AFF3: variants seen among roughly 807,000 people sequenced by gnomAD.
The protein encoded by AFF3 is AF4/FMR2 family member 3.
A neutral mutation model predicts 129.7 loss-of-function variants in AFF3; 32 were observed. That is an observed-to-expected ratio of 0.25 (90% CI 0.19 to 0.33). The LOEUF is 0.33. Among genes scored for constraint, AFF3 ranks in the 10% least tolerant of loss-of-function variants. AFF3 has a pLI of 1.00. For missense variants in AFF3, 1,373 were observed against 1,592.0 expected, an observed-to-expected ratio of 0.86 and a Z score of 2.34; for synonymous variants, 644 against 635.4, an observed-to-expected ratio of 1.01 and a Z score of -0.20.
At chr2:99,584,975 A>G (rs553671607) in intron 16 of AFF3, among the ~76,000 whole-genome samples, 41 of 152,360 alleles carry the variant, frequency 2.7e-4, no homozygotes, top group Admixed American at 1.9e-3. Flanking sequence ...GCAAATGGAT[A>G]CATGTGGGGA....
At chr2:99,736,343 T>C (rs1012386413) in intron 10 of AFF3, among the ~76,000 whole-genome samples, 3 of 152,238 alleles carry the variant, frequency 2.0e-5, no homozygotes, top group Non-Finnish European at 4.4e-5. Context: ...GTATCTTTCC[T>C]TGGGTAGTGA....
rs143338581 is a variant in AFF3, at chr2:99,710,583, C to T, written c.1091+16494G>A. ...TTTGTTACCTCTTAATCATGATATACCAACACCTGCAGTATTCTAACTAAA... is the reference window on the plus strand; with the variant it reads ...TTTGTTACCTCTTAATCATGATATATCAACACCTGCAGTATTCTAACTAAA... On this transcript the variant is annotated intron_variant, in intron 11 of 24. Transcript: ENST00000672756. 3.9e-4 allele frequency among the ~76,000 whole-genome samples: 60 copies of T among 152,222 alleles called. 1 individual carries two copies. Among genetic ancestry groups the T allele is most frequent in the African/African-American group, 1.4e-3 (60 of 41,540 alleles).
At chr2:99,606,285 A>T (rs1680323731) in intron 13 of AFF3, among the ~76,000 whole-genome samples, 1 of 152,056 alleles carries the variant, frequency 6.6e-6, no homozygotes, top group African/African-American at 2.4e-5. Flanking sequence ...ATTATAGTGG[A>T]TTTTTTCCTG....
chr2:99,586,882 G>T (rs1480973742), intron 16 of AFF3, among the ~76,000 whole-genome samples: 2 of 152,094 alleles, frequency 1.3e-5, no homozygotes, highest in African/African-American at 2.4e-5. Flanking sequence ...AAGTTTTTTT[G>T]GGGGAAGGGC....
At chr2:99,909,622 GAAAAGAA>G (rs1391344280) in intron 7 of AFF3, among the ~76,000 whole-genome samples, 2 of 150,472 alleles carry the variant, frequency 1.3e-5, no homozygotes, top group African/African-American at 4.9e-5. Flanking sequence ...AAAAAAAAAA[GAAAAGAA>G]AAAAGAAAAA....
intron 4 of AFF3, among the ~76,000 whole-genome samples, chr2:100,081,094 G>A (rs941584772): frequency 2.6e-5 from 4 of 151,908 alleles, no homozygotes; most frequent in African/African-American, 9.7e-5. Context: ...GTCCACAAGT[G>A]GAATCAGGTC....
At chr2:100,002,476 C>A (rs1431127645) in intron 7 of AFF3, among the ~76,000 whole-genome samples, 2 of 152,170 alleles carry the variant, frequency 1.3e-5, no homozygotes, top group Admixed American at 1.3e-4. Context: ...TATGATTAAT[C>A]AATACATCTT....
chr2:99,695,983 A>G (rs1384388043), intron 11 of AFF3, among the ~76,000 whole-genome samples: 1 of 151,204 alleles, frequency 6.6e-6, no homozygotes, highest in Non-Finnish European at 1.5e-5. Context: ...ACCAAAAAAA[A>G]AAAAACTAAA....
In AFF3 at chr2:99,551,402, A is replaced by C. The variant is rs1052057550; in HGVS notation, c.*72T>G. The C allele has an allele frequency of 6.3e-7, 1 of 1,586,612 alleles. No homozygotes were observed. Among genetic ancestry groups the C allele is most frequent in the African/African-American group, 1.3e-5 (1 of 74,272 alleles). Reference sequence around the variant, plus strand: ...GATAAATGCTGTGGCTGGGAGTTTCAGTAGCACAGTGTCCAAAAACGTTGA... The same window carrying C: ...GATAAATGCTGTGGCTGGGAGTTTCCGTAGCACAGTGTCCAAAAACGTTGA... On this transcript the variant is annotated 3_prime_UTR_variant, in exon 25 of 25. Transcript: ENST00000672756.
chr2:99,564,916 G>A (rs1307437761), intron 20 of AFF3, among the ~76,000 whole-genome samples: 1 of 152,198 alleles, frequency 6.6e-6, no homozygotes, highest in Non-Finnish European at 1.5e-5. Flanking sequence ...ACAGAGATGT[G>A]ATGGAGGTGC....
At chr2:99,948,050 T>C (rs1675804477) in intron 7 of AFF3, among the ~76,000 whole-genome samples, 1 of 152,198 alleles carries the variant, frequency 6.6e-6, no homozygotes, top group African/African-American at 2.4e-5. Flanking sequence ...GTGACAATTG[T>C]ATTTAAAAGC....
At chr2:99,756,991 T>C (rs1682155167) in intron 8 of AFF3, among the ~76,000 whole-genome samples, 1 of 152,216 alleles carries the variant, frequency 6.6e-6, no homozygotes, top group African/African-American at 2.4e-5. Context: ...TGGATTTCCT[T>C]GAATGCTCAT....
intron 8 of AFF3, among the ~76,000 whole-genome samples, chr2:99,803,888 A>G (rs991288106): frequency 9.9e-5 from 15 of 152,196 alleles, no homozygotes; most frequent in African/African-American, 3.4e-4. Flanking sequence ...CATGTAGAGG[A>G]ATGAAACTGG....
At chr2:99,661,309 G>A (rs1315369977) in intron 12 of AFF3, among the ~76,000 whole-genome samples, 1 of 152,144 alleles carries the variant, frequency 6.6e-6, no homozygotes, top group East Asian at 1.9e-4. Flanking sequence ...CCCCTCTCCT[G>A]GCTCCTGAAT....
At chr2:99,864,293 C>A (rs1429721990) in intron 7 of AFF3, among the ~76,000 whole-genome samples, 1 of 152,092 alleles carries the variant, frequency 6.6e-6, no homozygotes, top group Non-Finnish European at 1.5e-5. Context: ...ATTCTGGGTC[C>A]CTGATAAGTT....
intron 13 of AFF3, among the ~76,000 whole-genome samples, chr2:99,639,979 G>A (rs1448199482): frequency 1.3e-5 from 2 of 152,050 alleles, no homozygotes; most frequent in South Asian, 2.1e-4. Context: ...CACTGCACCC[G>A]GCCCAGGATG....
intron 7 of AFF3, among the ~76,000 whole-genome samples, chr2:99,970,305 C>T (rs1678230576): frequency 6.6e-6 from 1 of 152,080 alleles, no homozygotes; most frequent in Non-Finnish European, 1.5e-5. Context: ...CTCCCCTGAC[C>T]ATCCTTTCTC....
At chr2:99,838,208 G>A (rs1689044104) in intron 7 of AFF3, among the ~76,000 whole-genome samples, 1 of 152,126 alleles carries the variant, frequency 6.6e-6, no homozygotes, top group Non-Finnish European at 1.5e-5. Flanking sequence ...GGTCCTGCTG[G>A]CTACACAGCC....
intron 7 of AFF3, among the ~76,000 whole-genome samples, chr2:99,933,308 T>C (rs990213220): frequency 1.3e-5 from 2 of 152,092 alleles, no homozygotes; most frequent in Non-Finnish European, 2.9e-5. Flanking sequence ...TGAGACATAG[T>C]ATTTAGCTTA....
Sources: allele counts gnomAD v4.1 joint callset (sites outside exome capture counted in the v4.1 genomes callset), GRCh38; gene constraint gnomAD v4.1.1; transcripts MANE v1.5; gene names NCBI Gene and HGNC (gene_info 2026-07-23, HGNC 2026-07-21).